The following PALLD variants were observed in gnomAD, a reference collection of about 807,000 sequenced individuals.
PALLD encodes the protein palladin, cytoskeletal associated protein.
Under a neutral mutation model 123.5 loss-of-function variants are expected in PALLD, and 61 were observed. That is an observed-to-expected ratio of 0.49 (90% confidence interval 0.40 to 0.61). The LOEUF is 0.61. Among genes scored for constraint, PALLD ranks in the 20% least tolerant of loss-of-function variants. PALLD has a pLI of 0.00. For synonymous variants in PALLD, 465 were observed against 496.4 expected (o/e 0.94, Z 0.84); for missense variants, 1,273 against 1,377.0 (o/e 0.92, Z 1.20).
At chr4:168,761,653 T>TTTTG (rs1732908908) in intron 10 of PALLD, among the ~76,000 whole-genome samples, 15 of 37,544 alleles carry the variant, frequency 4.0e-4, no homozygotes, top group Admixed American at 2.6e-3. Flanking sequence ...TTGTTTTTTT[T>TTTTG]TTTTTTTTTT....
intron 10 of PALLD, among the ~76,000 whole-genome samples, chr4:168,818,763 T>C (rs1462491128): frequency 6.6e-6 from 1 of 152,180 alleles, no homozygotes; most frequent in Non-Finnish European, 1.5e-5. Context: ...ACACAGAATA[T>C]TCTCTTATCT....
chr4:168,753,924 G>A (rs1201075294), intron 10 of PALLD, among the ~76,000 whole-genome samples: 1 of 152,156 alleles, frequency 6.6e-6, no homozygotes, highest in African/African-American at 2.4e-5. Context: ...GACAGTTAAT[G>A]CTTATTGTTG....
chr4:168,888,236 T>C (rs1753645572), intron 10 of PALLD, among the ~76,000 whole-genome samples: 2 of 152,218 alleles, frequency 1.3e-5, no homozygotes, highest in African/African-American at 4.8e-5. Flanking sequence ...TAAAGTCTAG[T>C]GTTACCTTAT....
At position 168,924,249 on chromosome 4, in the gene PALLD, T is replaced by C; in HGVS notation, c.3059-6T>C. The C allele has an allele frequency of 6.2e-7, 1 of 1,613,148 alleles. No individual in the cohort carries two copies. The highest frequency in any genetic ancestry group is 8.5e-7 in the Non-Finnish European group (1 of 1,179,146). On this transcript the variant is annotated splice_region_variant and splice_polypyrimidine_tract_variant and intron_variant, in intron 18 of 21. Transcript: ENST00000505667. The stretch of plus-strand genomic sequence containing the variant: ...TTGATAGAGAATTCATCTCATGTTT[T>C]CTTAGCTAAAGAAGCACACAAACCC...
chr4:168,753,871 A>C lies in PALLD; in HGVS notation c.1964+41948A>C, dbSNP rs186002901. Among the ~76,000 whole-genome samples the C allele has an allele frequency of 7.5e-4, 114 of 152,312 alleles. 1 individual carries two copies. Among genetic ancestry groups the C allele is most frequent in the Admixed American group, 7.3e-3 (111 of 15,290 alleles). ...CGAGAGACACAGAGCCAGACCCCCC[A>C]GCTAGACCACTGCCAAATTCTTGCC... On this transcript the variant is annotated intron_variant, in intron 10 of 21. Transcript: ENST00000505667.
intron 2 of PALLD, among the ~76,000 whole-genome samples, chr4:168,590,948 C>T (rs918746833): frequency 9.1e-5 from 12 of 132,556 alleles, no homozygotes; most frequent in Admixed American, 1.7e-4. Context: ...GGTGCGATCT[C>T]GGCTCACTGC....
chr4:168,829,522 C>T (rs1743899675), intron 10 of PALLD, among the ~76,000 whole-genome samples: 2 of 152,090 alleles, frequency 1.3e-5, no homozygotes, highest in African/African-American at 4.8e-5. Flanking sequence ...ATTTAAGAAG[C>T]GTAACTTAAA....
At chr4:168,884,137 T>C (rs1449261418) in intron 10 of PALLD, among the ~76,000 whole-genome samples, 1 of 152,194 alleles carries the variant, frequency 6.6e-6, no homozygotes, top group African/African-American at 2.4e-5. Flanking sequence ...TCAAAACTTA[T>C]AACTGCTTTT....
At chr4:168,815,832 G>A (rs944008503) in intron 10 of PALLD, among the ~76,000 whole-genome samples, 2 of 152,188 alleles carry the variant, frequency 1.3e-5, no homozygotes, top group East Asian at 1.9e-4. Flanking sequence ...CTCTGAAAAC[G>A]AGCTCCAATT....
intron 15 of PALLD, among the ~76,000 whole-genome samples, chr4:168,906,080 A>G (rs1046434965): frequency 3.9e-5 from 6 of 152,270 alleles, no homozygotes; most frequent in Admixed American, 6.5e-5. Flanking sequence ...CTGTTTAAGA[A>G]AATGGTGGAG....
chr4:168,727,487 A>G (rs1243523430), intron 10 of PALLD, among the ~76,000 whole-genome samples: 5 of 151,952 alleles, frequency 3.3e-5, no homozygotes, highest in Non-Finnish European at 7.4e-5. Context: ...ATTTTTTCAT[A>G]TGTTTGTTGG....
At chr4:168,613,820 G>A (rs1030021183) in intron 2 of PALLD, among the ~76,000 whole-genome samples, 7 of 152,024 alleles carry the variant, frequency 4.6e-5, no homozygotes, top group Middle Eastern at 3.2e-3. Flanking sequence ...ACTAATTCAC[G>A]GGTGTATATC....
intron 2 of PALLD, among the ~76,000 whole-genome samples, chr4:168,657,762 A>G (rs1219206929): frequency 1.3e-5 from 2 of 152,124 alleles, no homozygotes; most frequent in Non-Finnish European, 2.9e-5. Context: ...TGCCAGCCAC[A>G]TGTACAGTAA....
chr4:168,784,481 G>A (rs1011582040), intron 10 of PALLD, among the ~76,000 whole-genome samples: 45 of 152,320 alleles, frequency 3.0e-4, no homozygotes, highest in African/African-American at 1.1e-3. Context: ...ATGTTGTATT[G>A]GAGGTACTGG....
At chr4:168,894,161 T>C (rs1314217382) in intron 11 of PALLD, 2 of 210,222 alleles carry the variant, frequency 9.5e-6, no homozygotes, top group Non-Finnish European at 1.9e-5. Context: ...TGAGTATCTT[T>C]GTTTTTTCTT....
At chr4:168,896,042 T>C (rs894150813) in intron 12 of PALLD, among the ~76,000 whole-genome samples, 2 of 152,100 alleles carry the variant, frequency 1.3e-5, no homozygotes, top group Non-Finnish European at 2.9e-5. Flanking sequence ...AAACCCCGTC[T>C]CTACTGAAAA....
chr4:168,608,660 T>C (rs931039263), intron 2 of PALLD, among the ~76,000 whole-genome samples: 1 of 152,202 alleles, frequency 6.6e-6, no homozygotes, highest in Non-Finnish European at 1.5e-5. Context: ...GGGCTGTTTG[T>C]TGTTATTGCT....
At chr4:168,517,579 A>C (rs17054290) in intron 2 of PALLD, among the ~76,000 whole-genome samples, 30,943 of 152,172 alleles carry the variant, frequency 0.2, 3,074 homozygotes, top group Middle Eastern at 0.23. Context: ...TGTCAGTAAA[A>C]ATTTCCATCT....
At chr4:168,658,284 G>GTTTTTTTTTTTTTTTTTTTTTTTTT (rs755942969) in intron 2 of PALLD, among the ~76,000 whole-genome samples, 1 of 120,770 alleles carries the variant, frequency 8.3e-6, no homozygotes, top group Non-Finnish European at 1.7e-5. Flanking sequence ...GTTTTTATTT[G>GTTTTTTTTTTTTTTTTTTTTTTTTT]GTTTTTTTTT....
Sources: gnomAD v4.1 joint callset for allele counts (sites outside exome capture counted in the v4.1 genomes callset) on GRCh38, gnomAD v4.1.1 for gene constraint, MANE v1.5 for transcripts, NCBI Gene and HGNC (gene_info 2026-07-23, HGNC 2026-07-21) for gene names.